Variants in ZMYND8 observed in about 807,000 individuals in gnomAD.
ZMYND8 encodes zinc finger MYND-type containing 8, also known as MYND-type zinc finger-containing chromatin reader ZMYND8.
In ZMYND8, 37 loss-of-function variants were observed where a neutral mutation model predicts 140.8. That is an observed-to-expected ratio of 0.26 (90% CI 0.20 to 0.35). The LOEUF (loss-of-function observed/expected upper bound fraction) is 0.35, where lower values mean the gene tolerates loss of function less well. Ranked by LOEUF, ZMYND8 falls within the 10% of genes least tolerant of loss-of-function variation. The probability of loss-of-function intolerance (pLI) is 1.00; values close to 1 mark genes in which losing one functional copy is unlikely to be tolerated. For synonymous variants in ZMYND8, 592 were observed against 597.1 expected, an observed-to-expected ratio of 0.99 and a Z score of 0.12; for missense variants, 1,068 against 1,570.0, an observed-to-expected ratio of 0.68 and a Z score of 5.40.
chr20:47,246,692 C>T (rs2040604787), intron 13 of ZMYND8, among the ~76,000 whole-genome samples, 175 bp from the exon 14 acceptor site: 1 of 152,194 alleles, frequency 6.6e-6, no homozygotes, highest in Admixed American at 6.5e-5. Context: ...GCTACGGCTG[C>T]CAAGTGGTAC....
chr20:47,241,690 C>A (rs1370546233), intron 14 of ZMYND8, among the ~76,000 whole-genome samples: 1 of 152,090 alleles, frequency 6.6e-6, no homozygotes, highest in Non-Finnish European at 1.5e-5. Context: ...TAAGGTGAGC[C>A]TATGCCCCAG....
At chr20:47,229,653 C>T in intron 17 of ZMYND8, 73 bp downstream of exon 17, 3 of 1,456,968 alleles carry the variant, frequency 2.1e-6, no homozygotes, top group Non-Finnish European at 2.9e-6. Flanking sequence ...AGAGAAGCTT[C>T]TTCATGGTAC....
At chr20:47,285,166 T>G (rs1223787714) in intron 8 of ZMYND8, among the ~76,000 whole-genome samples, 1 of 152,206 alleles carries the variant, frequency 6.6e-6, no homozygotes, top group Admixed American at 6.5e-5. Flanking sequence ...TGGTCAGGAT[T>G]TGAACCCAGG....
chr20:47,333,477 T>A (rs1183300885), intron 2 of ZMYND8, among the ~76,000 whole-genome samples: 1 of 151,960 alleles, frequency 6.6e-6, no homozygotes, highest in Non-Finnish European at 1.5e-5. Context: ...TCATCTGTAA[T>A]CCCAACACTT....
intron 8 of ZMYND8, among the ~76,000 whole-genome samples, chr20:47,284,955 A>G (rs1207735978): frequency 6.6e-6 from 1 of 152,228 alleles, no homozygotes; most frequent in Admixed American, 6.5e-5. Context: ...ATTAAATGAG[A>G]TAAATGTAAA....
intron 12 of ZMYND8, among the ~76,000 whole-genome samples, chr20:47,249,835 C>T (rs2074024046): frequency 6.6e-6 from 1 of 152,184 alleles, no homozygotes; most frequent in Admixed American, 6.5e-5. Flanking sequence ...GTACTTGTAA[C>T]TTCAGGTCCA....
chr20:47,264,132 T>C (rs1449279979), intron 11 of ZMYND8, among the ~76,000 whole-genome samples: 1 of 152,160 alleles, frequency 6.6e-6, no homozygotes, highest in East Asian at 1.9e-4. Context: ...ACACGCCGCA[T>C]AGGGATGGAG....
intron 22 of ZMYND8, among the ~76,000 whole-genome samples, chr20:47,212,263 A>G (rs1254054832): frequency 6.6e-6 from 1 of 152,148 alleles, no homozygotes; most frequent in Admixed American, 6.6e-5. Flanking sequence ...TGAGTTCAGT[A>G]TCTCTCTCCC....
intron 16 of ZMYND8, among the ~76,000 whole-genome samples, chr20:47,233,623 G>C (rs1211581104): frequency 1.3e-5 from 2 of 152,176 alleles, no homozygotes; most frequent in African/African-American, 4.8e-5. Context: ...GCCAGGTTAA[G>C]TGCACACTCT....
chr20:47,285,223 G>A (rs1440914365), intron 8 of ZMYND8, among the ~76,000 whole-genome samples: 1 of 152,196 alleles, frequency 6.6e-6, no homozygotes, highest in Admixed American at 6.5e-5. Flanking sequence ...ACTGATATTT[G>A]TTATTCCTTT....
chr20:47,355,839 C>T (rs948183926), intron 1 of ZMYND8, among the ~76,000 whole-genome samples: 1 of 149,804 alleles, frequency 6.7e-6, no homozygotes, highest in Non-Finnish European at 1.5e-5. Context: ...TCTCTCCCCC[C>T]ACCCCCCAGT....
rs754797972 is a variant in ZMYND8, at chr20:47,236,510, T to C, written c.2672A>G (p.Gln891Arg). ...YQTRQAVKAV[Q>R]QKEITQSPST... ...TGGGCTCTGTGTGATCTCCTTCTGC[T>C]GGACAGCTAGGAAGGCAAAGCATCC... Residue 891 changes from glutamine (Q) to arginine (R), a missense_variant, in exon 16 of 23, where the codon CAG (glutamine) becomes CGG (arginine). Physicochemically the swap from Gln to Arg is conservative, Grantham distance 43 (BLOSUM62 1). Around this residue, in one of 10 missense-constraint regions of ZMYND8, gnomAD observed 383 missense variants for 431.2 expected, o/e 0.89. Transcript: ENST00000471951. The C allele has an allele frequency of 1.3e-6, 2 of 1,568,084 alleles. No homozygotes were observed. Among genetic ancestry groups the C allele is most frequent in the Admixed American group, 1.8e-5 (1 of 54,140 alleles).
At chr20:47,308,705 T>G (rs2078689858) in intron 3 of ZMYND8, among the ~76,000 whole-genome samples, 1 of 152,156 alleles carries the variant, frequency 6.6e-6, no homozygotes, top group Admixed American at 6.6e-5. Flanking sequence ...ATGAGAAAAC[T>G]AGGCACAAAA....
At position 47,315,359 on chromosome 20, in the gene ZMYND8, A is replaced by C. The variant is rs997686585; in HGVS notation, c.86-5155T>G. On this transcript the variant is annotated intron_variant, in intron 2 of 22. Transcript: ENST00000471951. ...ACCAATTCCCCCTGGAGTTGATGAG[A>C]GTTCAGTGACTGTATCCAAGGGGTC... Among the ~76,000 whole-genome samples the C allele has an allele frequency of 3.3e-5, 5 of 152,198 alleles. No homozygotes were observed. The South Asian group carries it at 8.3e-4, about 25-fold the overall frequency.
intron 11 of ZMYND8, among the ~76,000 whole-genome samples, chr20:47,265,053 C>CATATAT (rs199638521): frequency 0.1 from 11,882 of 114,226 alleles, 666 homozygotes; most frequent in Non-Finnish European, 0.16. Flanking sequence ...AATATATATA[C>CATATAT]ATATATATAT....
Position 47,276,333 on chromosome 20 carries a change from G to A in ZMYND8, c.1461C>T (p.Asp487=). The change falls in exon 11 of 23, where the codon GAC becomes GAT. Residue 487 remains aspartate (D), a synonymous_variant. Transcript: ENST00000471951. The part of the protein sequence containing the change: ...SHFSASEESM[D]FLDKSTASPA... ...GCTGACCTGTGCTCTTATCCAGGAA[G>A]TCCATGGACTCCTCGCTCGCACTGA... The A allele has an allele frequency of 6.3e-7, 1 of 1,576,012 alleles. No homozygotes were observed. Among genetic ancestry groups the A allele is most frequent in the Non-Finnish European group, 8.6e-7 (1 of 1,157,110 alleles).
rs115600255 is a variant in ZMYND8, at chr20:47,330,198, G to A, written c.85+17658C>T. ...CACATCACAGGACTCTCACAAGGCC[G>A]TGCAGTCTGTCCAGGAAAGACAGAT... On this transcript the variant is annotated intron_variant, in intron 2 of 22. Transcript: ENST00000471951. Among the ~76,000 whole-genome samples, 697 of 152,062 alleles carry A rather than the reference G, an allele frequency of 4.6e-3. 5 individuals carry two copies. The highest frequency in any genetic ancestry group is 0.016 in the African/African-American group (662 of 41,514).
intron 21 of ZMYND8, among the ~76,000 whole-genome samples, chr20:47,213,935 C>T (rs1399366783): frequency 6.6e-6 from 1 of 152,158 alleles, no homozygotes; most frequent in Admixed American, 6.5e-5. Flanking sequence ...TTTTCCCCTG[C>T]ACTATTTTAT....
chr20:47,220,384 G>A (rs1352743538), intron 20 of ZMYND8, 60 bp from the exon 21 acceptor site: 3 of 1,330,254 alleles, frequency 2.3e-6, no homozygotes, highest in Non-Finnish European at 3.2e-6. Context: ...CGCCCCCACA[G>A]GGAAATCCAG....
Sources: gnomAD v4.1 joint callset for allele counts (sites outside exome capture counted in the v4.1 genomes callset) on GRCh38, gnomAD v4.1.1 for gene constraint, gnomAD v4.1.1 regional missense constraint, MANE v1.5 for transcripts, NCBI Gene and HGNC (gene_info 2026-07-23, HGNC 2026-07-21) for gene names.